The following GPCPD1 variants were observed in gnomAD, a reference collection of about 807,000 sequenced individuals.
GPCPD1 encodes glycerophosphocholine phosphodiesterase GPCPD1.
In GPCPD1, 29 loss-of-function variants were observed where a neutral mutation model predicts 89.2. That is an observed-to-expected ratio of 0.33 (90% CI 0.24 to 0.44). The LOEUF (loss-of-function observed/expected upper bound fraction) is 0.44, where lower values mean the gene tolerates loss of function less well. Among genes scored for constraint, GPCPD1 ranks in the 20% least tolerant of loss-of-function variants. The probability of loss-of-function intolerance (pLI) is 1.00; values close to 1 mark genes in which losing one functional copy is unlikely to be tolerated. For synonymous variants in GPCPD1, 258 were observed against 266.3 expected (o/e 0.97, Z 0.30); for missense variants, 594 against 808.9 (o/e 0.73, Z 3.22).
intron 2 of GPCPD1, among the ~76,000 whole-genome samples, chr20:5,599,224 C>G (rs1979952933): frequency 6.6e-6 from 1 of 152,128 alleles, no homozygotes; most frequent in South Asian, 2.1e-4. Flanking sequence ...TCTAGAAAGT[C>G]AAACAGTAGC....
intron 8 of GPCPD1, among the ~76,000 whole-genome samples, chr20:5,577,602 T>C (rs1323595512): frequency 6.6e-6 from 1 of 152,174 alleles, no homozygotes; most frequent in Non-Finnish European, 1.5e-5. Context: ...CTGGATTAGA[T>C]TTTTTTAAAT....
rs1984946333 is a variant in GPCPD1, at chr20:5,544,483, G to A, written c.*3178C>T. ...TTTATCTAGTTCATAACTAAGGATA[G>A]AACACTATAGCAGTGCTAGAGATGC... On this transcript the variant is annotated 3_prime_UTR_variant, in exon 20 of 20. Coordinates refer to ENST00000379019, the MANE Select transcript of GPCPD1 (RefSeq NM_019593.5). The A allele has an allele frequency of 6.6e-6, 1 of 152,244 alleles. No individual in the cohort carries two copies. Among genetic ancestry groups the A allele is most frequent in the Admixed American group, 6.5e-5 (1 of 15,288 alleles). The allele number at this position is 152,244 out of a possible 1,614,324, so 9.4% of individuals were successfully genotyped here.
In GPCPD1 at chr20:5,578,587, C is replaced by T. The variant is rs1978309499; in HGVS notation, c.498G>A (p.Leu166=). The change falls in exon 8 of 20, where the codon CTG becomes CTA. Residue 166 remains leucine, a synonymous_variant. Transcript: ENST00000379019. ...RFRVKLTLEG[L]EEDDDDRVSP... ...ATACCCTATCATCGTCATCTTCCTC[C>T]AGGCCTTCTAGTGTCAGCTTCACCC... The T allele has an allele frequency of 6.2e-7, 1 of 1,611,348 alleles. No individual in the cohort carries two copies. The highest frequency in any genetic ancestry group is 1.3e-5 in the African/African-American group (1 of 74,828).
chr20:5,550,913 C>T lies in GPCPD1; in HGVS notation c.1830-3063G>A, dbSNP rs571428054. Among the ~76,000 whole-genome samples the T allele has an allele frequency of 2.7e-4, 41 of 152,274 alleles. No homozygotes were observed. In the South Asian group the frequency reaches 5.0e-3, roughly 18 times the overall value. On this transcript the variant is annotated intron_variant, in intron 19 of 19. Transcript: ENST00000379019. ...GCTGTGCACAATCAACCAATCAGTA[C>T]TGGAGCAGCCCGGTGGAGAGGCAGA...
At chr20:5,601,754 T>C (rs2122797907) in intron 2 of GPCPD1, among the ~76,000 whole-genome samples, 1 of 152,302 alleles carries the variant, frequency 6.6e-6, no homozygotes. Flanking sequence ...TACTTTTTGC[T>C]ATGAAAAGAA....
chr20:5,567,061 A>G (rs1986428192), intron 13 of GPCPD1, among the ~76,000 whole-genome samples: 1 of 152,246 alleles, frequency 6.6e-6, no homozygotes. Flanking sequence ...AGGAAGAGGT[A>G]CCATGTAAAA....
intron 2 of GPCPD1, among the ~76,000 whole-genome samples, chr20:5,601,997 C>A (rs1253034456): frequency 6.6e-6 from 1 of 152,166 alleles, no homozygotes; most frequent in Non-Finnish European, 1.5e-5. Flanking sequence ...AAGAAATCTG[C>A]AAACAGCACC....
chr20:5,556,748 ATT>A (rs1250493630), intron 19 of GPCPD1, among the ~76,000 whole-genome samples: 1 of 152,224 alleles, frequency 6.6e-6, no homozygotes, highest in African/African-American at 2.4e-5. Context: ...TCAATAAATT[ATT>A]TGACTCCCTA....
intron 19 of GPCPD1, among the ~76,000 whole-genome samples, chr20:5,552,979 T>A (rs950427082): frequency 3.3e-5 from 5 of 152,224 alleles, no homozygotes; most frequent in Admixed American, 6.5e-5. Context: ...CGTCTTTTTT[T>A]AAATTTCTTA....
chr20:5,604,579 G>C (rs1477152496), intron 1 of GPCPD1, 139 bp from the exon 2 acceptor site: 4 of 132,102 alleles, frequency 3.0e-5, no homozygotes, highest in Non-Finnish European at 4.4e-5. Context: ...TGGTGGGATT[G>C]TTTTTGTTTT....
chr20:5,608,808 C>T (rs151016895), intron 1 of GPCPD1, among the ~76,000 whole-genome samples: 106 of 152,300 alleles, frequency 7.0e-4, no homozygotes, highest in African/African-American at 2.2e-3. Context: ...TTTTTGAAAA[C>T]GTAACATCTA....
At chr20:5,594,798 T>C (rs1381588470) in intron 3 of GPCPD1, among the ~76,000 whole-genome samples, 1 of 152,262 alleles carries the variant, frequency 6.6e-6, no homozygotes, top group Admixed American at 6.5e-5. Flanking sequence ...ACAGATACTG[T>C]GTTTTTTACA....
intron 19 of GPCPD1, among the ~76,000 whole-genome samples, chr20:5,549,695 A>G (rs1985256729): frequency 6.8e-6 from 1 of 146,110 alleles, no homozygotes. Context: ...CAGTGAGCTG[A>G]GATTGTGCCA....
chr20:5,590,532 G>A (rs1204040683), intron 4 of GPCPD1, among the ~76,000 whole-genome samples: 2 of 17,458 alleles, frequency 1.1e-4, no homozygotes, highest in Non-Finnish European at 2.2e-4. Flanking sequence ...GACAGAACAA[G>A]ACTCTGTCTC....
At position 5,586,356 on chromosome 20, in the gene GPCPD1, T is replaced by G. The variant is rs773572623; in HGVS notation, c.232-87A>C. On this transcript the variant is annotated intron_variant, in intron 4 of 19. Transcript: ENST00000379019. ...CCATTAGATGTTTGTGGCCTAAATC[T>G]TATACTAAATATGAGACCAAAAGAT... The G allele has an allele frequency of 7.0e-6, 5 of 713,280 alleles. No individual in the cohort carries two copies. The Admixed American group carries it at 8.3e-5, about 12-fold the overall frequency. 44.2% of individuals were successfully genotyped at this position (713,280 alleles called of 1,614,324 possible). A position where few individuals can be genotyped will look rare whatever the true frequency, so the allele number is the denominator to read the frequency against.
chr20:5,555,226 G>A (rs1985688701), intron 19 of GPCPD1, among the ~76,000 whole-genome samples: 1 of 152,288 alleles, frequency 6.6e-6, no homozygotes, highest in East Asian at 1.9e-4. Flanking sequence ...TGAGAAGATG[G>A]ACTCCAATTT....
chr20:5,596,580 G>C (rs1281224078), intron 3 of GPCPD1, among the ~76,000 whole-genome samples: 4 of 152,130 alleles, frequency 2.6e-5, no homozygotes, highest in Admixed American at 2.0e-4. Context: ...GAAACCACAA[G>C]TGACCCACAT....
At chr20:5,591,464 A>G (rs1979323042) in intron 4 of GPCPD1, among the ~76,000 whole-genome samples, 1 of 152,352 alleles carries the variant, frequency 6.6e-6, no homozygotes, top group East Asian at 1.9e-4. Flanking sequence ...CAAAACTTTT[A>G]GCTTTGGTTC....
chr20:5,550,084 T>C (rs1185648325), intron 19 of GPCPD1, among the ~76,000 whole-genome samples: 1 of 151,518 alleles, frequency 6.6e-6, no homozygotes, highest in Non-Finnish European at 1.5e-5. Flanking sequence ...GCCCAGCTAC[T>C]TGGGAGACTG....
Sources: gnomAD v4.1 joint callset for allele counts (sites outside exome capture counted in the v4.1 genomes callset) on GRCh38, gnomAD v4.1.1 for gene constraint, MANE v1.5 for transcripts, NCBI Gene and HGNC (gene_info 2026-07-23, HGNC 2026-07-21) for gene names.